The following CPLANE1 variants were observed in gnomAD, a reference collection of about 807,000 sequenced individuals.
CPLANE1 encodes the protein ciliogenesis and planar polarity effector complex subunit 1.
In CPLANE1, 263 loss-of-function variants were observed where a neutral mutation model predicts 362.5. That is an observed-to-expected ratio of 0.73 (90% CI 0.66 to 0.80). The LOEUF (loss-of-function observed/expected upper bound fraction) is 0.80, where lower values mean the gene tolerates loss of function less well. CPLANE1 is among the 30% of genes least tolerant of loss of function. CPLANE1 has a pLI of 0.00. For missense variants in CPLANE1, 3,461 were observed against 3,793.4 expected (o/e 0.91, Z 2.30); for synonymous variants, 1,212 against 1,302.6 (o/e 0.93, Z 1.50).
At chr5:37,242,214 C>G (rs1478897390) in intron 6 of CPLANE1, among the ~76,000 whole-genome samples, 1 of 151,816 alleles carries the variant, frequency 6.6e-6, no homozygotes, top group Non-Finnish European at 1.5e-5. Flanking sequence ...GTTAGCCAGG[C>G]CTGGTGGCGG....
Position 37,224,707 on chromosome 5 carries a change from T to A in CPLANE1, c.2325A>T (p.Lys775Asn), listed in dbSNP as rs1313704320. 11 of 1,551,440 alleles carry A rather than the reference T, an allele frequency of 7.1e-6. No homozygotes were observed. The highest frequency in any genetic ancestry group is 1.7e-4 in the Middle Eastern group (1 of 5,950). The part of the protein sequence containing the change: ...LLILWRILYK[K>N]TLWYQAQLNR... ...TTAATTGTGCTTGATACCATAAAGT[T>A]TTTTTGTACAGTATTCTCCAGAGAA... The change falls in exon 13 of 53, where the codon AAA (lysine) becomes AAT (asparagine). Residue 775 changes from lysine (K) to asparagine (N), a missense_variant. Lys to Asn is a moderately conservative substitution (Grantham distance 94, BLOSUM62 0). Transcript: ENST00000651892.
At chr5:37,211,537 G>C in intron 16 of CPLANE1, 1 of 1,257,152 alleles carries the variant, frequency 8.0e-7, no homozygotes, top group Non-Finnish European at 1.2e-6. Context: ...GCAGCCTCAA[G>C]GCTATGCGGG....
At chr5:37,084,369 TA>T in the CPLANE1 span, among the ~76,000 whole-genome samples, 1 of 151,748 alleles carries the variant, frequency 6.6e-6, no homozygotes, top group Non-Finnish European at 1.5e-5. Context: ...AAATACAACT[TA>T]AAAAACAAAA....
In CPLANE1 at chr5:37,167,071, C is replaced by T. The variant is rs760263591; in HGVS notation, c.7376G>A (p.Arg2459Lys). Reference sequence around the variant, plus strand: ...CCTTTTTTTACTGTCCTTTCCTTGTCTTACTTCAGGTGGTTCTATTTTGAC... The same window carrying T: ...CCTTTTTTTACTGTCCTTTCCTTGTTTTACTTCAGGTGGTTCTATTTTGAC... ...LKVKIEPPEV[R>K]QGKDSKKRQR... is the part of the protein sequence containing the mutation. The change falls in exon 35 of 53, where the codon AGA (arginine) becomes AAA (lysine). Residue 2459 changes from arginine to lysine, a missense_variant. Transcript: ENST00000651892. 6.2e-7 allele frequency: 1 copy of T among 1,611,372 alleles called. No homozygotes were observed. The highest frequency in any genetic ancestry group is 1.7e-5 in the Admixed American group (1 of 59,388).
At chr5:37,104,457 G>A (rs183078255), downstream of CPLANE1, among the ~76,000 whole-genome samples, 158 of 151,288 alleles carry the variant, frequency 1.0e-3, 1 homozygote, top group Admixed American at 7.7e-3. Context: ...AAAAGTAGCC[G>A]GGCATGATGG....
At chr5:37,144,581 G>A (rs1195330842) in intron 43 of CPLANE1, among the ~76,000 whole-genome samples, 1 of 151,950 alleles carries the variant, frequency 6.6e-6, no homozygotes, top group Admixed American at 6.6e-5. Flanking sequence ...GCCGGGCACG[G>A]TGGCTCATGC....
intron 32 of CPLANE1, among the ~76,000 whole-genome samples, chr5:37,171,499 C>G (rs1779772970): frequency 6.6e-6 from 1 of 152,000 alleles, no homozygotes; most frequent in Admixed American, 6.6e-5. Context: ...GAAAGTAAGG[C>G]AGGAAAGGAG....
chr5:37,189,641 G>A (rs979833588), intron 21 of CPLANE1, among the ~76,000 whole-genome samples: 2 of 152,134 alleles, frequency 1.3e-5, no homozygotes, highest in African/African-American at 4.8e-5. Flanking sequence ...TAGTTACTAG[G>A]CTATAAAATC....
downstream of CPLANE1, among the ~76,000 whole-genome samples, chr5:37,104,755 A>C (rs1757469149): frequency 6.7e-6 from 1 of 148,604 alleles, no homozygotes; most frequent in Non-Finnish European, 1.5e-5. Context: ...AAAAAAAAAA[A>C]CACACACACA....
At chr5:37,198,556 T>C (rs1788227905) in intron 20 of CPLANE1, 146 bp downstream of exon 20, 1 of 735,632 alleles carries the variant, frequency 1.4e-6, no homozygotes, top group Non-Finnish European at 2.2e-6. Flanking sequence ...AGGAAGAATC[T>C]GGTCTGTTTG....
intron 2 of CPLANE1, 124 bp from the exon 3 acceptor site, chr5:37,245,969 C>G: frequency 1.0e-6 from 1 of 974,184 alleles, no homozygotes; most frequent in Admixed American, 3.3e-5. Flanking sequence ...TACCACAAAT[C>G]ATAAAATGAA....
At chr5:37,121,528 T>C in intron 49 of CPLANE1, 89 bp downstream of exon 49, 4 of 1,169,420 alleles carry the variant, frequency 3.4e-6, no homozygotes, top group Non-Finnish European at 5.0e-6. Flanking sequence ...TAAATGCAAA[T>C]GCACTGAACT....
At chr5:37,202,903 T>C (rs951043474) in intron 18 of CPLANE1, among the ~76,000 whole-genome samples, 2 of 151,224 alleles carry the variant, frequency 1.3e-5, no homozygotes, top group African/African-American at 4.8e-5. Context: ...TCTATGTCCC[T>C]ATCTATTTTG....
chr5:37,232,599 G>A (rs1230453817), intron 8 of CPLANE1, among the ~76,000 whole-genome samples: 1 of 151,362 alleles, frequency 6.6e-6, no homozygotes, highest in African/African-American at 2.4e-5. Flanking sequence ...TATTTTGGGA[G>A]GCCAAGGTGG....
At chr5:37,203,408 T>C (rs1446230238) in intron 18 of CPLANE1, among the ~76,000 whole-genome samples, 3 of 152,350 alleles carry the variant, frequency 2.0e-5, no homozygotes, top group Admixed American at 6.5e-5. Context: ...ATTTTAAAGA[T>C]ATATTTGAAT....
intron 8 of CPLANE1, among the ~76,000 whole-genome samples, chr5:37,231,552 G>GA (rs1435483566): frequency 6.6e-6 from 1 of 152,050 alleles, no homozygotes; most frequent in African/African-American, 2.4e-5. Context: ...GGGACACAGA[G>GA]AAAAAATATA....
intron 43 of CPLANE1, among the ~76,000 whole-genome samples, chr5:37,146,363 G>C (rs4315949): frequency 6.6e-6 from 1 of 152,056 alleles, no homozygotes; most frequent in South Asian, 2.1e-4. Context: ...ATTTTTAGTA[G>C]AGACAGGGTT....
intron 5 of CPLANE1, among the ~76,000 whole-genome samples, chr5:37,243,771 CAT>C (rs1738509283): frequency 6.9e-6 from 1 of 144,606 alleles, no homozygotes; most frequent in African/African-American, 2.5e-5. Flanking sequence ...ATAATATATA[CAT>C]GTTATATACA....
chr5:37,122,544 T>C, intron 47 of CPLANE1, 56 bp from the exon 48 acceptor site: 1 of 1,313,330 alleles, frequency 7.6e-7, no homozygotes, highest in Non-Finnish European at 1.1e-6. Context: ...AATTAAACCA[T>C]TACACATAAT....
Sources: gnomAD v4.1 joint callset for allele counts (sites outside exome capture counted in the v4.1 genomes callset) on GRCh38, gnomAD v4.1.1 for gene constraint, MANE v1.5 for transcripts, NCBI Gene and HGNC (gene_info 2026-07-23, HGNC 2026-07-21) for gene names.